The following UBE2E2 variants were observed in gnomAD, a reference collection of about 807,000 sequenced individuals.
UBE2E2 encodes ubiquitin-conjugating enzyme E2 E2.
In UBE2E2, 6 loss-of-function variants were observed where a neutral mutation model predicts 24.7. The observed-to-expected ratio is 0.24, with a 90% confidence interval of 0.13 to 0.48. UBE2E2 has a LOEUF of 0.48. UBE2E2 is among the 20% of genes least tolerant of loss of function. The pLI, the probability that UBE2E2 is intolerant of heterozygous loss-of-function variation, is 0.99. For missense variants in UBE2E2, 169 were observed against 245.0 expected, an observed-to-expected ratio of 0.69 and a Z score of 2.07; for synonymous variants, 104 against 83.6, an observed-to-expected ratio of 1.24 and a Z score of -1.33.
chr3:23,486,253 T>G (rs1195273935), intron 3 of UBE2E2, among the ~76,000 whole-genome samples: 1 of 152,188 alleles, frequency 6.6e-6, no homozygotes, highest in Non-Finnish European at 1.5e-5. Flanking sequence ...CGTGCAAGGC[T>G]GTAGCTGTAC....
chr3:23,564,396 A>G (rs1696012598), intron 5 of UBE2E2, among the ~76,000 whole-genome samples: 1 of 152,302 alleles, frequency 6.6e-6, no homozygotes, highest in African/African-American at 2.4e-5. Context: ...AGGCTGCTAT[A>G]AAAAGAACTA....
intron 2 of UBE2E2, among the ~76,000 whole-genome samples, chr3:23,215,906 TGA>T (rs1420505154): frequency 6.6e-6 from 1 of 152,140 alleles, no homozygotes; most frequent in East Asian, 1.9e-4. Context: ...ATCAAATCTT[TGA>T]GACTTCTGTC....
At chr3:23,229,618 A>G (rs558003077) in intron 3 of UBE2E2, among the ~76,000 whole-genome samples, 1 of 152,310 alleles carries the variant, frequency 6.6e-6, no homozygotes, top group Admixed American at 6.5e-5. Flanking sequence ...TAGGATTTCA[A>G]CCTTGTTTCT....
intron 4 of UBE2E2, among the ~76,000 whole-genome samples, chr3:23,500,003 A>T (rs1180543076): frequency 6.6e-6 from 1 of 152,064 alleles, no homozygotes; most frequent in Non-Finnish European, 1.5e-5. Flanking sequence ...TTAATGTAAC[A>T]TTAAAACACC....
intron 3 of UBE2E2, among the ~76,000 whole-genome samples, chr3:23,351,629 G>A (rs914203438): frequency 3.3e-5 from 5 of 152,050 alleles, no homozygotes; most frequent in Non-Finnish European, 5.9e-5. Flanking sequence ...GATCAAAAGA[G>A]ACAAAGAAGG....
chr3:23,531,960 G>A (rs948478780), intron 4 of UBE2E2, among the ~76,000 whole-genome samples: 2 of 151,642 alleles, frequency 1.3e-5, no homozygotes, highest in Non-Finnish European at 2.9e-5. Flanking sequence ...TACTTGGGAG[G>A]CTGAGGCAGG....
chr3:23,300,393 AT>A (rs1699039300), intron 3 of UBE2E2, among the ~76,000 whole-genome samples: 1 of 152,126 alleles, frequency 6.6e-6, no homozygotes, highest in Non-Finnish European at 1.5e-5. Flanking sequence ...GGTCTTTACA[AT>A]TTGGCATGTT....
At chr3:23,367,458 C>T (rs1166502740) in intron 3 of UBE2E2, among the ~76,000 whole-genome samples, 1 of 152,038 alleles carries the variant, frequency 6.6e-6, no homozygotes, top group Non-Finnish European at 1.5e-5. Context: ...ATCAATCATG[C>T]TTATGTTATG....
At chr3:23,406,100 A>G (rs1367313376) in intron 3 of UBE2E2, among the ~76,000 whole-genome samples, 2 of 152,268 alleles carry the variant, frequency 1.3e-5, no homozygotes, top group East Asian at 3.8e-4. Flanking sequence ...GTTACTTAAA[A>G]GTACTTGTAG....
rs35038477 is a variant in UBE2E2, at chr3:23,348,347, C to CAAAAAAAAAAAAAAAAAA, written c.227+131052_227+131053insAAAAAAAAAAAAAAAAAA. 7.4e-5 allele frequency among the ~76,000 whole-genome samples: 9 copies of CAAAAAAAAAAAAAAAAAA among 121,958 alleles called. No homozygotes were observed. In the East Asian group the frequency reaches 7.6e-4, roughly 10 times the overall value. The allele number at this position is 121,958 out of a possible 152,430, so 80.0% of individuals were successfully genotyped here. A position where few individuals can be genotyped will look rare whatever the true frequency, so the allele number is the denominator to read the frequency against. Reference sequence around the variant, plus strand: ...GAATAAAATGAGCCTGTGCTGCTTTCAAAAAAAAAAAAAAAAAGAATAGTC... The same window carrying CAAAAAAAAAAAAAAAAAA: ...GAATAAAATGAGCCTGTGCTGCTTTCAAAAAAAAAAAAAAAAAAAAAAAAAAAAAAAAAAAGAATAGTC... On this transcript the variant is annotated intron_variant, in intron 3 of 5. Coordinates refer to ENST00000396703, the MANE Select transcript of UBE2E2 (RefSeq NM_152653.4).
At chr3:23,385,890 G>A (rs1040984318) in intron 3 of UBE2E2, among the ~76,000 whole-genome samples, 2 of 152,202 alleles carry the variant, frequency 1.3e-5, no homozygotes, top group African/African-American at 2.4e-5. Flanking sequence ...TACATAAGTG[G>A]TAGCTGCTAT....
chr3:23,453,393 C>T (rs1698608842), intron 3 of UBE2E2, among the ~76,000 whole-genome samples: 2 of 151,716 alleles, frequency 1.3e-5, no homozygotes, highest in South Asian at 4.2e-4. Context: ...ATATCTTTAA[C>T]CTGTTTTTTA....
At position 23,409,487 on chromosome 3, in the gene UBE2E2, G is replaced by T. The variant is rs555140727; in HGVS notation, c.228-90121G>T. 4.2e-4 allele frequency among the ~76,000 whole-genome samples: 64 copies of T among 152,212 alleles called. No homozygotes were observed. The Middle Eastern group carries it at 0.01, about 24-fold the overall frequency. On this transcript the variant is annotated intron_variant, in intron 3 of 5. Transcript: ENST00000396703. ...ACTGAGTAGGAGAAGACAATGTGTGGTTTCTCCTTCCAGTGAAATGTATAC... is the reference window on the plus strand; with the variant it reads ...ACTGAGTAGGAGAAGACAATGTGTGTTTTCTCCTTCCAGTGAAATGTATAC...
chr3:23,573,311 T>G (rs1696268140), intron 5 of UBE2E2, among the ~76,000 whole-genome samples: 1 of 152,188 alleles, frequency 6.6e-6, no homozygotes, highest in East Asian at 1.9e-4. Context: ...ATAGAGAGCC[T>G]TTATAAACAT....
At chr3:23,494,812 C>CT (rs1353027658) in intron 3 of UBE2E2, among the ~76,000 whole-genome samples, 2 of 151,970 alleles carry the variant, frequency 1.3e-5, no homozygotes, top group African/African-American at 4.8e-5. Flanking sequence ...GCAACCTCCA[C>CT]CTCCTGGGTT....
At chr3:23,571,003 C>T (rs1430840663) in intron 5 of UBE2E2, among the ~76,000 whole-genome samples, 1 of 152,062 alleles carries the variant, frequency 6.6e-6, no homozygotes, top group African/African-American at 2.4e-5. Context: ...CAACATAACT[C>T]TTAATAAATG....
chr3:23,302,399 A>G (rs1390478480), intron 3 of UBE2E2, among the ~76,000 whole-genome samples: 6 of 152,070 alleles, frequency 3.9e-5, no homozygotes, highest in African/African-American at 9.7e-5. Flanking sequence ...ATTTATTGCA[A>G]TTTCCCCACC....
chr3:23,348,079 C>T (rs7635784), intron 3 of UBE2E2, among the ~76,000 whole-genome samples: 41,540 of 151,968 alleles, frequency 0.27, 5,827 homozygotes, highest in East Asian at 0.36. Context: ...TAGGACACAT[C>T]TCACCATCAA....
intron 4 of UBE2E2, among the ~76,000 whole-genome samples, chr3:23,503,403 C>A (rs937648674): frequency 1.3e-5 from 2 of 151,558 alleles, no homozygotes; most frequent in Admixed American, 6.6e-5. Context: ...GTTGGCCAGG[C>A]TGGTGTTGAA....
Sources: allele counts gnomAD v4.1 joint callset (sites outside exome capture counted in the v4.1 genomes callset), GRCh38; gene constraint gnomAD v4.1.1; transcripts MANE v1.5; gene names NCBI Gene and HGNC (gene_info 2026-07-23, HGNC 2026-07-21).